SLC7A9: variants seen among roughly 807,000 people sequenced by gnomAD.
SLC7A9 encodes the protein B(0,+)-type amino acid transporter 1.
A neutral mutation model predicts 54.1 loss-of-function variants in SLC7A9; 38 were observed. The observed-to-expected ratio is 0.70, with a 90% CI of 0.54 to 0.92. The LOEUF (loss-of-function observed/expected upper bound fraction) is 0.92. SLC7A9 is among the 40% of genes least tolerant of loss of function. SLC7A9 has a pLI of 0.00. For missense variants in SLC7A9, 537 were observed against 636.1 expected (o/e 0.84, Z 1.68); for synonymous variants, 264 against 258.9 (o/e 1.02, Z -0.19).
Position 32,843,970 on chromosome 19 carries a change from G to A in SLC7A9, c.978-19C>T, listed in dbSNP as rs764500224. 1.3e-6 allele frequency: 2 copies of A among 1,574,834 alleles called. No homozygotes were observed. The highest frequency in any genetic ancestry group is 2.2e-5 in the South Asian group (2 of 90,042). ...AATGAGTCTGGAAAATAACGACACG[G>A]GAGTCCGCTGACCAGAGTGCAGACC... On this transcript the variant is annotated intron_variant, in intron 9 of 12. Coordinates refer to ENST00000023064, the MANE Select transcript of SLC7A9 (RefSeq NM_014270.5).
chr19:32,867,030 C>T (rs1233254857), intron 2 of SLC7A9, among the ~76,000 whole-genome samples: 2 of 152,328 alleles, frequency 1.3e-5, no homozygotes, highest in East Asian at 3.9e-4. Flanking sequence ...CAGCCCCAAG[C>T]TCCCTTTCCC....
intron 7 of SLC7A9, 43 bp downstream of exon 7, chr19:32,860,563 C>G (rs374602349): frequency 6.8e-6 from 11 of 1,613,832 alleles, no homozygotes; most frequent in Non-Finnish European, 8.5e-6. Context: ...GAAGAGAAAT[C>G]AGGCTGCCCG....
rs751502525 is a variant in SLC7A9 at position 32,843,858 on chromosome 19, A to G, written c.1071T>C (p.Phe357=). 6.2e-7 allele frequency: 1 copy of G among 1,612,388 alleles called. No individual in the cohort carries two copies. The highest frequency in any genetic ancestry group is 1.1e-5 in the South Asian group (1 of 91,026). ...TGGTAGCGGGATTTGTACTCACATA[A>G]AAGATGATGGCGGGGGCTGGAGTGA... ...RRLTPAPAII[F]YGIIATIYII... Residue 357 remains phenylalanine, a synonymous_variant, in exon 10 of 13, where the codon TTT becomes TTC. Transcript: ENST00000023064.
At chr19:32,863,103 ATTTTAT>A (rs1409501240) in intron 4 of SLC7A9, 3 of 151,482 alleles carry the variant, frequency 2.0e-5, no homozygotes, top group Admixed American at 6.6e-5. Flanking sequence ...AATTTTTGTA[ATTTTAT>A]TTTTATCTAT....
chr19:32,841,681 C>G (rs1435322231), intron 11 of SLC7A9, among the ~76,000 whole-genome samples: 1 of 152,142 alleles, frequency 6.6e-6, no homozygotes, highest in Non-Finnish European at 1.5e-5. Flanking sequence ...CCAAGGCAGG[C>G]AGATCACTTG....
chr19:32,860,677 A>T, intron 6 of SLC7A9, 27 bp from the exon 7 acceptor site: 1 of 1,613,960 alleles, frequency 6.2e-7, no homozygotes, highest in Non-Finnish European at 8.5e-7. Context: ...AACAAGCGTC[A>T]CACACCTTGA....
In SLC7A9 at chr19:32,830,555, A is replaced by AAAT; in HGVS notation, c.*62_*64dup. ...TTTTATTCGTAAGAAAAAAAGGAAG[A>AAAT]AATAACCACAAATATTGCTTAAGAA... On this transcript the variant is annotated 3_prime_UTR_variant, in exon 13 of 13. Transcript: ENST00000023064. 2 of 1,244,912 alleles carry AAAT rather than the reference A, an allele frequency of 1.6e-6. No individual in the cohort carries two copies. Among genetic ancestry groups the AAAT allele is most frequent in the East Asian group, 2.3e-5 (1 of 43,160 alleles). The allele number at this position is 1,244,912 out of a possible 1,614,324, so 77.1% of individuals were successfully genotyped here.
rs776516956 is a variant in SLC7A9, at chr19:32,864,307, C to A, written c.267G>T (p.Met89Ile). The A allele has an allele frequency of 8.7e-6, 14 of 1,614,058 alleles. No individual in the cohort carries two copies. The highest frequency in any genetic ancestry group is 1.1e-5 in the Non-Finnish European group (13 of 1,179,990). Reference protein sequence around the residue: ...GALCFAELGTMITKSGGEYPY... With the variant: ...GALCFAELGTIITKSGGEYPY... The stretch of plus-strand genomic sequence containing the variant: ...GATACTCTCCCCCTGACTTGGTGAT[C>A]ATTGTGCCAAGCTCCGCAAAGCACA... Residue 89 changes from methionine (M) to isoleucine (I), a missense_variant, in exon 4 of 13, where the codon ATG becomes ATT. Physicochemically the swap from Met to Ile is conservative, Grantham distance 10 (BLOSUM62 1). Transcript: ENST00000023064.
At chr19:32,864,512 G>C (rs1200915167) in intron 3 of SLC7A9, 117 bp downstream of exon 3, 32 of 1,530,460 alleles carry the variant, frequency 2.1e-5, no homozygotes, top group African/African-American at 2.7e-5. Context: ...ATTTACACCT[G>C]TTTGCCATAC....
rs781068403 is a variant in SLC7A9 at position 32,862,556 on chromosome 19, ACGCT to A, written c.505_508del (p.Ser169CysfsTer17). Reference sequence around the variant, plus strand: ...GTTCTGGACGTAGCTTCCCAGCCGCACGCTCAGTGAGTTCACTGTCGAGATGAAC... The same window carrying A: ...GTTCTGGACGTAGCTTCCCAGCCGCACAGTGAGTTCACTGTCGAGATGAAC... On this transcript the variant is annotated frameshift_variant, in exon 5 of 13. Transcript: ENST00000023064. LOFTEE classifies it high-confidence loss of function. The A allele has an allele frequency of 5.0e-6, 8 of 1,613,882 alleles. No homozygotes were observed. The highest frequency in any genetic ancestry group is 6.8e-6 in the Non-Finnish European group (8 of 1,180,042).
chr19:32,833,396 T>TA (rs532135154), intron 11 of SLC7A9, 73 bp from the exon 12 acceptor site: 2 of 1,390,610 alleles, frequency 1.4e-6, no homozygotes, highest in Non-Finnish European at 2.0e-6. Context: ...CCGATTTTTA[T>TA]AAAAAGAGTA....
intron 7 of SLC7A9, chr19:32,860,176 AG>A: frequency 4.7e-6 from 7 of 1,498,718 alleles, no homozygotes; most frequent in Non-Finnish European, 6.2e-6. Flanking sequence ...CCAGAGATAA[AG>A]GAAGACCAAG....
chr19:32,863,699 A>G (rs143740714), intron 4 of SLC7A9, among the ~76,000 whole-genome samples: 61 of 152,236 alleles, frequency 4.0e-4, no homozygotes, highest in African/African-American at 1.4e-3. Context: ...TCATCTCCCA[A>G]ATTCCAAGAG....
chr19:32,864,347 CAGAG>C lies in SLC7A9; in HGVS notation c.236-13_236-10del, dbSNP rs1221024511. The C allele has an allele frequency of 6.2e-7, 1 of 1,613,794 alleles. No homozygotes were observed. Among genetic ancestry groups the C allele is most frequent in the African/African-American group, 1.3e-5 (1 of 75,062 alleles). On this transcript the variant is annotated splice_polypyrimidine_tract_variant and intron_variant, in intron 3 of 12. Coordinates refer to ENST00000023064, the MANE Select transcript of SLC7A9 (RefSeq NM_014270.5). ...CGCAAAGCACAGGGCACCTGGAACACAGAGAGGAAGGGCCCACAGGCCCCTTGTG... is the reference window on the plus strand; with the variant it reads ...CGCAAAGCACAGGGCACCTGGAACACAGGAAGGGCCCACAGGCCCCTTGTG...
At chr19:32,846,625 C>T (rs528102972) in intron 9 of SLC7A9, among the ~76,000 whole-genome samples, 1 of 152,344 alleles carries the variant, frequency 6.6e-6, no homozygotes, top group East Asian at 1.9e-4. Flanking sequence ...CAGCAGTAAC[C>T]TCTGCAGACT....
intron 9 of SLC7A9, among the ~76,000 whole-genome samples, chr19:32,855,519 G>GA (rs1968597712): frequency 6.6e-6 from 1 of 152,094 alleles, no homozygotes; most frequent in Non-Finnish European, 1.5e-5. Context: ...CAAACACGGT[G>GA]AAACCCCATC....
chr19:32,838,356 G>A (rs1213607215), intron 11 of SLC7A9, among the ~76,000 whole-genome samples: 1 of 151,216 alleles, frequency 6.6e-6, no homozygotes, highest in Non-Finnish European at 1.5e-5. Flanking sequence ...GAGAGTTACT[G>A]TAACTATTAT....
chr19:32,864,314 C>G lies in SLC7A9; in HGVS notation c.260G>C (p.Gly87Ala). Residue 87 changes from glycine (G) to alanine (A), a missense_variant, in exon 4 of 13, where the codon GGC becomes GCC. Transcript: ENST00000023064. ...TCCCCCTGACTTGGTGATCATTGTG[C>G]CAAGCTCCGCAAAGCACAGGGCACC... The part of the protein sequence containing the change: ...TLGALCFAEL[G>A]TMITKSGGEY... 6.2e-7 allele frequency: 1 copy of G among 1,614,022 alleles called. No homozygotes were observed. The highest frequency in any genetic ancestry group is 8.5e-7 in the Non-Finnish European group (1 of 1,180,004).
intron 4 of SLC7A9, 124 bp downstream of exon 4, chr19:32,863,972 G>C (rs1307322643): frequency 3.3e-6 from 5 of 1,500,028 alleles, no homozygotes; most frequent in Non-Finnish European, 4.6e-6. Context: ...GTACTGCAAA[G>C]GCTGATGCCA....
Sources: allele counts gnomAD v4.1 joint callset (sites outside exome capture counted in the v4.1 genomes callset), GRCh38; gene constraint gnomAD v4.1.1; transcripts MANE v1.5; gene names NCBI Gene and HGNC (gene_info 2026-07-23, HGNC 2026-07-21).